The following TBCE variants were observed in gnomAD, a reference collection of about 807,000 sequenced individuals.
TBCE encodes the protein tubulin-specific chaperone E.
TBCE carries 53 observed loss-of-function variants against 77.0 expected under a neutral mutation model. The observed-to-expected ratio is 0.69, with a 90% CI of 0.55 to 0.87. TBCE has a LOEUF of 0.87. TBCE is among the 40% of genes least tolerant of loss of function. The pLI is 0.00. For missense variants in TBCE, 624 were observed against 622.4 expected (o/e 1.00, Z -0.03); for synonymous variants, 235 against 241.3 (o/e 0.97, Z 0.24).
intron 1 of TBCE, among the ~76,000 whole-genome samples, chr1:235,372,067 G>A (rs192490092): frequency 6.3e-4 from 96 of 152,082 alleles, no homozygotes; most frequent in African/African-American, 2.0e-3. Flanking sequence ...CTGCAGCCTC[G>A]AACTCCTGGG....
rs553116702 is a variant in TBCE at position 235,377,386 on chromosome 1, G to T, written c.-31-2633G>T. Among the ~76,000 whole-genome samples the T allele has an allele frequency of 4.6e-3, 696 of 152,226 alleles. 2 individuals are homozygous for T. Among genetic ancestry groups the T allele is most frequent in the Non-Finnish European group, 7.8e-3 (531 of 68,018 alleles). On this transcript the variant is annotated intron_variant, in intron 1 of 16. Transcript: ENST00000642610. ...AGTAGAGACAGGGTTTTACCCTGTT[G>T]GCTGGGATGGTATCGATCTCTTGAC...
intron 5 of TBCE, among the ~76,000 whole-genome samples, chr1:235,423,050 G>A (rs372317963): frequency 6.6e-6 from 1 of 152,206 alleles, no homozygotes; most frequent in Non-Finnish European, 1.5e-5. Flanking sequence ...TGCAGCTCCC[G>A]ATTGAATTCT....
chr1:235,413,900 G>C (rs1679958129), intron 3 of TBCE: 1 of 134,340 alleles, frequency 7.4e-6, no homozygotes, highest in Non-Finnish European at 1.5e-5. Context: ...TGTCACCCAG[G>C]CTGGAGTGCA....
At position 235,451,063 on chromosome 1, in the gene TBCE, A is replaced by G. The variant is rs704706; in HGVS notation, c.*2301A>G. ...AAGAAGAAACAGGGTAGGAGAAAGC[A>G]CTGAGTCAGCCTGTGCCTTGAAGGC... is the stretch of plus-strand genomic sequence containing the variant. On this transcript the variant is annotated 3_prime_UTR_variant, in exon 17 of 17. Transcript: ENST00000642610. 112,010 of 152,148 alleles carry G rather than the reference A, an allele frequency of 0.74. 42,290 individuals are homozygous for G. The highest frequency in any genetic ancestry group is 0.91 in the African/African-American group (37,926 of 41,516). 9.4% of individuals were successfully genotyped at this position (152,148 alleles called of 1,614,324 possible). A position where few individuals can be genotyped will look rare whatever the true frequency, so the allele number is the denominator to read the frequency against.
chr1:235,404,538 G>A (rs1679305892), intron 3 of TBCE, among the ~76,000 whole-genome samples: 1 of 152,106 alleles, frequency 6.6e-6, no homozygotes, highest in African/African-American at 2.4e-5. Context: ...TGTGAAGGCT[G>A]GGACATTCTT....
At chr1:235,417,929 C>G (rs142489181) in intron 4 of TBCE, among the ~76,000 whole-genome samples, 3 of 152,132 alleles carry the variant, frequency 2.0e-5, no homozygotes, top group African/African-American at 7.2e-5. Flanking sequence ...AGGTGCCCCC[C>G]ACTATGCCAG....
intron 6 of TBCE, among the ~76,000 whole-genome samples, chr1:235,427,510 T>C (rs1202904657): frequency 1.3e-5 from 2 of 152,164 alleles, no homozygotes; most frequent in African/African-American, 4.8e-5. Flanking sequence ...ATGCAGACAG[T>C]TGAGCCAATC....
At chr1:235,390,817 G>T (rs187939363) in intron 2 of TBCE, among the ~76,000 whole-genome samples, 1 of 151,548 alleles carries the variant, frequency 6.6e-6, no homozygotes, top group Non-Finnish European at 1.5e-5. Flanking sequence ...TCAGTGTGAC[G>T]TGAGAATGTT....
At chr1:235,405,646 GA>G (rs1005102408) in intron 3 of TBCE, among the ~76,000 whole-genome samples, 5 of 151,260 alleles carry the variant, frequency 3.3e-5, no homozygotes, top group African/African-American at 1.2e-4. Flanking sequence ...AAAAAAAAAA[GA>G]AAAAATAGAA....
At chr1:235,436,275 TG>T in intron 9 of TBCE, 110 bp from the exon 10 acceptor site, 1 of 919,860 alleles carries the variant, frequency 1.1e-6, no homozygotes, top group Non-Finnish European at 1.8e-6. Context: ...GTATTTTACA[TG>T]GGATTAAAAA....
intron 5 of TBCE, 31 bp from the exon 6 acceptor site, chr1:235,427,109 G>A (rs1558381865): frequency 6.9e-7 from 1 of 1,458,894 alleles, no homozygotes; most frequent in Admixed American, 1.7e-5. Context: ...TGAATCTTTT[G>A]AAATTACTGT....
At chr1:235,413,355 C>T (rs532607165) in intron 3 of TBCE, among the ~76,000 whole-genome samples, 89 of 149,348 alleles carry the variant, frequency 6.0e-4, no homozygotes, top group Admixed American at 5.9e-3. Flanking sequence ...AGTGAGACCC[C>T]CTTTCTTTAA....
At position 235,451,810 on chromosome 1, in the gene TBCE, A is replaced by C. The variant is rs1558405952; in HGVS notation, c.*3048A>C. The C allele has an allele frequency of 6.6e-6, 1 of 152,170 alleles. No individual in the cohort carries two copies. The highest frequency in any genetic ancestry group is 2.4e-5 in the African/African-American group (1 of 41,440). 9.4% of individuals were successfully genotyped at this position (152,170 alleles called of 1,614,324 possible). A position where few individuals can be genotyped will look rare whatever the true frequency, so the allele number is the denominator to read the frequency against. On this transcript the variant is annotated 3_prime_UTR_variant, in exon 17 of 17. Transcript: ENST00000642610. ...GAAGCTGCAAGAATCCAGAACAGAAATCTCTGAAGCTAAAGCCAGCTTTGT... is the reference window on the plus strand; with the variant it reads ...GAAGCTGCAAGAATCCAGAACAGAACTCTCTGAAGCTAAAGCCAGCTTTGT...
rs910364188 is a variant in TBCE at position 235,441,799 on chromosome 1, T to A, written c.1271-15T>A. The A allele has an allele frequency of 6.2e-7, 1 of 1,613,396 alleles. No individual in the cohort carries two copies. The highest frequency in any genetic ancestry group is 8.5e-7 in the Non-Finnish European group (1 of 1,179,434). On this transcript the variant is annotated splice_polypyrimidine_tract_variant and intron_variant, in intron 13 of 16. Transcript: ENST00000642610. ...CCTTTGGTTTATCATTCATCTCTTT[T>A]GCTTTCTTAAACAGAATATGGTGCA...
In TBCE at chr1:235,448,569, G is replaced by T. The variant is rs1682642101; in HGVS notation, c.1492-101G>T. 2.9e-6 allele frequency: 4 copies of T among 1,370,484 alleles called. No individual in the cohort carries two copies. In the South Asian group the frequency reaches 3.5e-5, roughly 12 times the overall value. The allele number at this position is 1,370,484 out of a possible 1,614,324, so 84.9% of individuals were successfully genotyped here. A position where few individuals can be genotyped will look rare whatever the true frequency, so the allele number is the denominator to read the frequency against. On this transcript the variant is annotated intron_variant, in intron 16 of 16. Coordinates refer to ENST00000642610, the MANE Select transcript of TBCE (RefSeq NM_003193.5). ...TGGGTCTGTTTGTTTGATTTTAAGG[G>T]TAAGCTACTGCCTGGGGACGGGGTG...
Position 235,430,758 on chromosome 1 carries a change from T to C in TBCE, c.614T>C (p.Val205Ala), listed in dbSNP as rs16832611. The part of the protein sequence containing the change: ...SGSVLTGTLS[V>A]LKVLVLNQTG... ...TCAGTATTAACTGGAACGCTTTCTG[T>C]ACTGAAGGTTTTAGTCCTCAATCAA... Residue 205 changes from valine (V) to alanine (A), a missense_variant, in exon 7 of 17, where the codon GTA becomes GCA. By Grantham distance (64) the Val-to-Ala change is moderately conservative. Transcript: ENST00000642610. The C allele has an allele frequency of 4.3e-3, 6,872 of 1,613,830 alleles. 248 individuals carry two copies. The African/African-American group carries it at 0.078, about 18-fold the overall frequency.
intron 1 of TBCE, 141 bp from the exon 2 acceptor site, chr1:235,379,878 G>T: frequency 1.9e-6 from 1 of 515,186 alleles, no homozygotes; most frequent in Non-Finnish European, 3.5e-6. Context: ...AGCCTGGAAG[G>T]TGGGGGTTGC....
At chr1:235,397,172 A>T (rs1678782595) in intron 2 of TBCE, among the ~76,000 whole-genome samples, 2 of 144,816 alleles carry the variant, frequency 1.4e-5, no homozygotes, top group South Asian at 4.4e-4. Flanking sequence ...ACGGGGTTTC[A>T]CCACGTTGGC....
intron 9 of TBCE, 67 bp from the exon 10 acceptor site, chr1:235,436,319 G>C: frequency 6.7e-7 from 1 of 1,493,580 alleles, no homozygotes; most frequent in Non-Finnish European, 9.3e-7. Context: ...TACAAACCGA[G>C]TCTGGTTGAT....
Sources: allele counts gnomAD v4.1 joint callset (sites outside exome capture counted in the v4.1 genomes callset), GRCh38; gene constraint gnomAD v4.1.1; transcripts MANE v1.5; gene names NCBI Gene and HGNC (gene_info 2026-07-23, HGNC 2026-07-21).